The following PNPLA6 variants were observed in gnomAD, a reference collection of about 807,000 sequenced individuals.
PNPLA6 encodes the protein patatin-like phospholipase domain-containing protein 6.
Under a neutral mutation model 153.7 loss-of-function variants are expected in PNPLA6, and 105 were observed. That is an observed-to-expected ratio of 0.68 (90% CI 0.58 to 0.80). The LOEUF (loss-of-function observed/expected upper bound fraction) is 0.80, where lower values mean the gene tolerates loss of function less well. Among genes scored for constraint, PNPLA6 ranks in the 30% least tolerant of loss-of-function variants. The pLI, the probability that PNPLA6 is intolerant of heterozygous loss-of-function variation, is 0.00. For synonymous variants in PNPLA6, 825 were observed against 822.2 expected, an observed-to-expected ratio of 1.00 and a Z score of -0.06; for missense variants, 1,423 against 1,919.3, an observed-to-expected ratio of 0.74 and a Z score of 4.83.
chr19:7,561,576 G>T lies in PNPLA6; in HGVS notation c.*14G>T. ...ACAGATGCCTGAGGACCTCGACAGGGGTCACCCCCTCCCTCCCACCCCTGG... is the reference window on the plus strand; with the variant it reads ...ACAGATGCCTGAGGACCTCGACAGGTGTCACCCCCTCCCTCCCACCCCTGG... On this transcript the variant is annotated 3_prime_UTR_variant, in exon 32 of 32. Coordinates refer to ENST00000600737, the MANE Select transcript of PNPLA6 (RefSeq NM_001166114.2). 3.2e-6 allele frequency: 5 copies of T among 1,572,246 alleles called. No homozygotes were observed. Among genetic ancestry groups the T allele is most frequent in the South Asian group, 2.3e-5 (2 of 86,742 alleles).
rs368627125 is a variant in PNPLA6 at position 7,543,095 on chromosome 19, C to A, written c.1608+11C>A. The A allele has an allele frequency of 2.8e-5, 45 of 1,609,030 alleles. No individual in the cohort carries two copies. The African/African-American group carries it at 5.3e-4, about 19-fold the overall frequency. On this transcript the variant is annotated intron_variant, in intron 13 of 31. Transcript: ENST00000600737. ...CGCCAGGGAGACCAGGTGAGGCTGA[C>A]CCCTGACCTGTAACCATGCCACCTG...
rs1009954378 is a variant in PNPLA6 at position 7,554,212 on chromosome 19, C to T, written c.2405C>T (p.Pro802Leu). 6 of 1,613,718 alleles carry T rather than the reference C, an allele frequency of 3.7e-6. No homozygotes were observed. The highest frequency in any genetic ancestry group is 4.5e-5 in the East Asian group (2 of 44,898). The change falls in exon 20 of 32, where the codon CCG (proline) becomes CTG (leucine). Residue 802 changes from proline (P) to leucine (L), a missense_variant. Physicochemically the swap from Pro to Leu is moderately conservative, Grantham distance 98. Around this residue, in one of 10 missense-constraint regions of PNPLA6, gnomAD observed 643 missense variants for 835.2 expected, o/e 0.77. Transcript: ENST00000600737. Reference sequence around the variant, plus strand: ...TCCCTTCCCCACCTACCCCTAGGTCCGACGCTACTCCTTAACAGTGACATC... The same window carrying T: ...TCCCTTCCCCACCTACCCCTAGGTCTGACGCTACTCCTTAACAGTGACATC... Reference protein sequence around the residue: ...ELQHALQAIGPTLLLNSDIIR... With the variant: ...ELQHALQAIGLTLLLNSDIIR...
intron 10 of PNPLA6, 182 bp from the exon 11 acceptor site, chr19:7,542,379 G>T (rs2023190256): frequency 1.5e-6 from 1 of 648,704 alleles, no homozygotes; most frequent in East Asian, 2.7e-5. Flanking sequence ...CTGTCTCCCA[G>T]GCTAGAGTGC....
At chr19:7,551,204 G>A (rs2023633659) in intron 17 of PNPLA6, 97 bp downstream of exon 17, 2 of 961,138 alleles carry the variant, frequency 2.1e-6, no homozygotes, top group Non-Finnish European at 3.2e-6. Flanking sequence ...AGAGGGGCGG[G>A]GTCGAGGGAG....
intron 13 of PNPLA6, among the ~76,000 whole-genome samples, chr19:7,544,102 T>C (rs1354395037): frequency 4.0e-5 from 6 of 151,288 alleles, no homozygotes; most frequent in African/African-American, 1.2e-4. Context: ...CGTGAGCCAC[T>C]GCGCCCGGCC....
Position 7,541,102 on chromosome 19 carries a change from C to G in PNPLA6, c.924+51C>G, listed in dbSNP as rs1373895846. ...CCCCCTGAGGGACCCCACCCTGGCC[C>G]CCACCCATTCCAGGCTCCAAGGGAC... is the stretch of plus-strand genomic sequence containing the variant. On this transcript the variant is annotated intron_variant, in intron 7 of 31. Transcript: ENST00000600737. This position sits in a 1 kb window ranked among gnomAD's most constrained non-coding sequence, Gnocchi z 5.2. 2 of 1,579,770 alleles carry G rather than the reference C, an allele frequency of 1.3e-6. No individual in the cohort carries two copies. Among genetic ancestry groups the G allele is most frequent in the Non-Finnish European group, 1.7e-6 (2 of 1,161,504 alleles).
Position 7,555,209 on chromosome 19 carries a change from C to A in PNPLA6, c.2818-40C>A, listed in dbSNP as rs1298500954. On this transcript the variant is annotated intron_variant, in intron 22 of 31. Coordinates refer to ENST00000600737, the MANE Select transcript of PNPLA6 (RefSeq NM_001166114.2). The surrounding 1 kb of genome is among the most constrained non-coding windows in gnomAD (Gnocchi z 6.3). Reference sequence around the variant, plus strand: ...CCCCTGGGGGATCCGCCGGACCCCGCCCTCATGCTCCTGGGTCGCGACTAT... The same window carrying A: ...CCCCTGGGGGATCCGCCGGACCCCGACCTCATGCTCCTGGGTCGCGACTAT... The A allele has an allele frequency of 1.3e-6, 2 of 1,545,460 alleles. No individual in the cohort carries two copies. Among genetic ancestry groups the A allele is most frequent in the Non-Finnish European group, 1.8e-6 (2 of 1,133,190 alleles).
chr19:7,548,893 C>T (rs2146082728), intron 13 of PNPLA6, among the ~76,000 whole-genome samples: 1 of 149,002 alleles, frequency 6.7e-6, no homozygotes, highest in East Asian at 2.0e-4. Flanking sequence ...AGCTCCTCCT[C>T]CCGGGTTCAC....
rs140155524 is a variant in PNPLA6 at position 7,560,754 on chromosome 19, G to C, written c.3806G>C (p.Arg1269Pro). Residue 1269 changes from arginine to proline, a missense_variant, in exon 29 of 32, where the codon CGC (arginine) becomes CCC (proline). Around this residue, in one of 10 missense-constraint regions of PNPLA6, gnomAD observed 643 missense variants for 835.2 expected, o/e 0.77. Transcript: ENST00000600737. ...CGGTCTACAGACCTTAATGAGAGCC[G>C]CCGTGCAGACGTAAGCCTGTGATGC... ...DRRSTDLNESRRADVLAFPSS... is the reference protein window; with the variant it reads ...DRRSTDLNESPRADVLAFPSS... 3 of 1,603,054 alleles carry C rather than the reference G, an allele frequency of 1.9e-6. No individual in the cohort carries two copies. The highest frequency in any genetic ancestry group is 1.7e-5 in the Admixed American group (1 of 59,942).
intron 3 of PNPLA6, 150 bp downstream of exon 3, chr19:7,536,696 GGCGGGCA>G (rs2022887696): frequency 2.8e-6 from 2 of 703,988 alleles, no homozygotes; most frequent in Non-Finnish European, 5.2e-6. Context: ...GGGAGGCTAA[GGCGGGCA>G]GATCACCTGA....
In PNPLA6 at chr19:7,555,158, T is replaced by A; in HGVS notation, c.2817+83T>A. The A allele has an allele frequency of 3.3e-6, 5 of 1,524,526 alleles. No individual in the cohort carries two copies. In the South Asian group the frequency reaches 3.5e-5, roughly 11 times the overall value. The allele number at this position is 1,524,526 out of a possible 1,614,324, so 94.4% of individuals were successfully genotyped here. A position where few individuals can be genotyped will look rare whatever the true frequency, so the allele number is the denominator to read the frequency against. ...AGACTGGGGCGGGGCCTGGGAGGGC[T>A]GAGGACAGGCTCGAAGGTCAGGGTA... On this transcript the variant is annotated intron_variant, in intron 22 of 31. Coordinates refer to ENST00000600737, the MANE Select transcript of PNPLA6 (RefSeq NM_001166114.2). The surrounding 1 kb of genome is among the most constrained non-coding windows in gnomAD (Gnocchi z 6.3).
intron 18 of PNPLA6, among the ~76,000 whole-genome samples, chr19:7,551,921 CATAGTAGG>C (rs1472683769): frequency 6.6e-6 from 1 of 151,878 alleles, no homozygotes; most frequent in African/African-American, 2.4e-5. Context: ...GCCTGGGCAA[CATAGTAGG>C]ACCCCCGTCT....
At chr19:7,545,042 T>C (rs1210917892) in intron 13 of PNPLA6, among the ~76,000 whole-genome samples, 3 of 148,580 alleles carry the variant, frequency 2.0e-5, no homozygotes, top group Admixed American at 6.7e-5. Flanking sequence ...TTTTTTTTTT[T>C]CGGAGACGGA....
intron 13 of PNPLA6, among the ~76,000 whole-genome samples, chr19:7,546,943 C>T (rs186220282): frequency 1.8e-3 from 271 of 150,634 alleles, no homozygotes; most frequent in African/African-American, 6.4e-3. Context: ...CTCGCTATGT[C>T]GCCCAGGCTG....
rs568194904 is a variant in PNPLA6 at position 7,542,575 on chromosome 19, C to G, written c.1267C>G (p.Pro423Ala). The change falls in exon 11 of 32, where the codon CCC (proline) becomes GCC (alanine). Residue 423 changes from proline (P) to alanine (A), a missense_variant. Pro to Ala is a conservative substitution (Grantham distance 27). Coordinates refer to ENST00000600737, the MANE Select transcript of PNPLA6 (RefSeq NM_001166114.2). ...PGDISGLQGG[P>A]RSDFDMAYER... ...CCTGCCTGCAGGCTTGCAGGGTGGC[C>G]CCCGCTCCGACTTCGACATGGCCTA... 1.2e-6 allele frequency: 2 copies of G among 1,613,712 alleles called. No individual in the cohort carries two copies. The highest frequency in any genetic ancestry group is 8.5e-7 in the Non-Finnish European group (1 of 1,179,942).
In PNPLA6 at chr19:7,561,198, C is replaced by T. The variant is rs1272704254; in HGVS notation, c.3914-10C>T. On this transcript the variant is annotated splice_polypyrimidine_tract_variant and intron_variant, in intron 30 of 31. Coordinates refer to ENST00000600737, the MANE Select transcript of PNPLA6 (RefSeq NM_001166114.2). ...AATCCCCTCACCTGTGCCCTGCTCC[C>T]CGATTCCAGGAGAGGAGTCAGATTG... 1 of 1,603,186 alleles carries T rather than the reference C, an allele frequency of 6.2e-7. No individual in the cohort carries two copies. Among genetic ancestry groups the T allele is most frequent in the Non-Finnish European group, 8.5e-7 (1 of 1,174,702 alleles).
chr19:7,543,649 G>A (rs542275649), intron 13 of PNPLA6, among the ~76,000 whole-genome samples: 2 of 152,264 alleles, frequency 1.3e-5, no homozygotes, highest in African/African-American at 2.4e-5. Context: ...GGAAGCCTCA[G>A]GGTAGGAGGA....
Position 7,561,195 on chromosome 19 carries a change from T to C in PNPLA6, c.3914-13T>C. 1 of 1,600,810 alleles carries C rather than the reference T, an allele frequency of 6.2e-7. No homozygotes were observed. The highest frequency in any genetic ancestry group is 2.2e-5 in the East Asian group (1 of 44,572). ...CCCAATCCCCTCACCTGTGCCCTGC[T>C]CCCCGATTCCAGGAGAGGAGTCAGA... On this transcript the variant is annotated splice_polypyrimidine_tract_variant and intron_variant, in intron 30 of 31. Transcript: ENST00000600737.
In PNPLA6 at chr19:7,555,598, T is replaced by C; in HGVS notation, c.2937-9T>C. On this transcript the variant is annotated splice_polypyrimidine_tract_variant and intron_variant, in intron 23 of 31. Transcript: ENST00000600737. This position sits in a 1 kb window ranked among gnomAD's most constrained non-coding sequence, Gnocchi z 6.3. ...CCTAGCGGGTCACTGGGGCCCATTT[T>C]CCCGGCAGGGGCTGCTCGCACATCG... The C allele has an allele frequency of 6.2e-7, 1 of 1,610,990 alleles. No homozygotes were observed. The highest frequency in any genetic ancestry group is 8.5e-7 in the Non-Finnish European group (1 of 1,179,144).
Sources: gnomAD v4.1 joint callset for allele counts (sites outside exome capture counted in the v4.1 genomes callset) on GRCh38, gnomAD v4.1.1 for gene constraint, gnomAD v4.1.1 regional missense constraint, Gnocchi (gnomAD v3.1) non-coding constraint, MANE v1.5 for transcripts, NCBI Gene and HGNC (gene_info 2026-07-23, HGNC 2026-07-21) for gene names.